Variants in NXPH1 observed in about 807,000 individuals in gnomAD.
NXPH1 encodes the protein neurexophilin 1.
Under a neutral mutation model 23.7 loss-of-function variants are expected in NXPH1, and 5 were observed. The ratio of observed to expected loss-of-function variants is 0.21; its 90% confidence interval spans 0.11 to 0.44. NXPH1 has a LOEUF of 0.44. NXPH1 is among the 20% of genes least tolerant of loss of function. NXPH1 has a pLI of 0.99. For synonymous variants in NXPH1, 144 were observed against 122.2 expected, an observed-to-expected ratio of 1.18 and a Z score of -1.18; for missense variants, 324 against 321.6, an observed-to-expected ratio of 1.01 and a Z score of -0.06.
intron 2 of NXPH1, among the ~76,000 whole-genome samples, chr7:8,521,902 G>C (rs1017110777): frequency 6.6e-6 from 1 of 152,170 alleles, no homozygotes; most frequent in Admixed American, 6.5e-5. Context: ...GGAGGACAGA[G>C]GCAGGAGGAG....
At position 8,551,187 on chromosome 7, in the gene NXPH1, T is replaced by C. The variant is rs73050663; in HGVS notation, c.54+115420T>C. Among the ~76,000 whole-genome samples the C allele has an allele frequency of 7.6e-3, 1,155 of 151,680 alleles. 5 individuals carry two copies. The highest frequency in any genetic ancestry group is 0.027 in the Middle Eastern group (8 of 294). On this transcript the variant is annotated intron_variant, in intron 2 of 2. Transcript: ENST00000405863. ...TTTGGTTAATTTAGTAGGTCAACTA[T>C]TATACCCTATTCAATTTCTATTTTT...
chr7:8,699,583 G>A (rs141958259), intron 2 of NXPH1, among the ~76,000 whole-genome samples: 4 of 152,030 alleles, frequency 2.6e-5, no homozygotes, highest in South Asian at 2.1e-4. Flanking sequence ...TAATTTGAAC[G>A]TTAAAAGAAT....
At chr7:8,523,445 A>C (rs1817808654) in intron 2 of NXPH1, among the ~76,000 whole-genome samples, 1 of 152,210 alleles carries the variant, frequency 6.6e-6, no homozygotes, top group African/African-American at 2.4e-5. Flanking sequence ...ATGACTGTAC[A>C]TTTGTCCTTT....
chr7:8,564,657 G>A (rs940162425), intron 2 of NXPH1, among the ~76,000 whole-genome samples: 2 of 151,830 alleles, frequency 1.3e-5, no homozygotes, highest in Non-Finnish European at 2.9e-5. Flanking sequence ...AGCATCACTT[G>A]AATGCTTTAC....
chr7:8,471,980 T>C (rs1380448236), intron 2 of NXPH1, among the ~76,000 whole-genome samples: 3 of 151,726 alleles, frequency 2.0e-5, no homozygotes, highest in African/African-American at 4.8e-5. Flanking sequence ...TTTGATATCC[T>C]ACACGATGGC....
chr7:8,731,424 T>G (rs1780151735), intron 2 of NXPH1, among the ~76,000 whole-genome samples: 1 of 152,216 alleles, frequency 6.6e-6, no homozygotes, highest in Non-Finnish European at 1.5e-5. Context: ...GCTCTGCTTT[T>G]TAGAGTTTCC....
At chr7:8,536,760 G>C (rs1584218633) in intron 2 of NXPH1, among the ~76,000 whole-genome samples, 1 of 151,972 alleles carries the variant, frequency 6.6e-6, no homozygotes, top group African/African-American at 2.4e-5. Context: ...TGGTGGCTTA[G>C]AGTTGTGGAA....
intron 2 of NXPH1, among the ~76,000 whole-genome samples, chr7:8,665,116 T>G (rs1441679828): frequency 2.0e-5 from 3 of 152,058 alleles, no homozygotes; most frequent in Non-Finnish European, 2.9e-5. Context: ...TTTTGGAGAT[T>G]TCCCCTATGT....
chr7:8,471,765 C>G (rs1046497143), intron 2 of NXPH1, among the ~76,000 whole-genome samples: 1 of 152,092 alleles, frequency 6.6e-6, no homozygotes, highest in Non-Finnish European at 1.5e-5. Context: ...ATTACTCTTA[C>G]ATTTCTCATT....
intron 2 of NXPH1, among the ~76,000 whole-genome samples, chr7:8,499,324 C>T (rs1817392512): frequency 6.6e-6 from 1 of 152,056 alleles, no homozygotes; most frequent in Non-Finnish European, 1.5e-5. Context: ...CAGCTGTACA[C>T]AGCCCTCCCA....
intron 2 of NXPH1, among the ~76,000 whole-genome samples, chr7:8,532,085 T>A (rs967432059): frequency 1.3e-5 from 2 of 152,074 alleles, no homozygotes; most frequent in Non-Finnish European, 2.9e-5. Flanking sequence ...GCCATAAAAG[T>A]CAAATCAGCT....
chr7:8,750,843 G>A (rs975661159), intron 2 of NXPH1, among the ~76,000 whole-genome samples, 165 bp from the exon 3 acceptor site: 1 of 152,100 alleles, frequency 6.6e-6, no homozygotes, highest in East Asian at 1.9e-4. Context: ...GAGACTCTGG[G>A]AGAGGGGGCT....
intron 2 of NXPH1, among the ~76,000 whole-genome samples, chr7:8,436,071 G>A (rs1816188336): frequency 6.6e-6 from 1 of 152,200 alleles, no homozygotes; most frequent in Admixed American, 6.5e-5. Flanking sequence ...GAGGGCCAAC[G>A]AGAAGAAGTG....
intron 2 of NXPH1, among the ~76,000 whole-genome samples, chr7:8,642,020 G>A (rs1274470561): frequency 6.6e-6 from 1 of 152,138 alleles, no homozygotes; most frequent in African/African-American, 2.4e-5. Context: ...TGCTCTCGAT[G>A]TTACTATGGA....
chr7:8,586,945 A>G (rs996802283), intron 2 of NXPH1, among the ~76,000 whole-genome samples: 4 of 152,180 alleles, frequency 2.6e-5, no homozygotes, highest in Admixed American at 2.0e-4. Context: ...TAAATATTCC[A>G]GGCAATTCTC....
intron 2 of NXPH1, among the ~76,000 whole-genome samples, chr7:8,474,683 A>G (rs920770906): frequency 1.2e-4 from 18 of 152,108 alleles, no homozygotes; most frequent in African/African-American, 4.1e-4. Flanking sequence ...TCGCATACTA[A>G]CTCTCAAGGT....
At chr7:8,712,576 G>C (rs1583242151) in intron 2 of NXPH1, among the ~76,000 whole-genome samples, 1 of 152,086 alleles carries the variant, frequency 6.6e-6, no homozygotes, top group South Asian at 2.1e-4. Context: ...AAAAAGCACA[G>C]ACTAAGCATT....
chr7:8,572,737 C>T (rs1818673041), intron 2 of NXPH1, among the ~76,000 whole-genome samples: 1 of 151,688 alleles, frequency 6.6e-6, no homozygotes, highest in Non-Finnish European at 1.5e-5. Context: ...AATTTTAAGA[C>T]TTGGGTATAT....
chr7:8,719,902 A>T (rs1445274012), intron 2 of NXPH1, among the ~76,000 whole-genome samples: 2 of 152,234 alleles, frequency 1.3e-5, no homozygotes, highest in Non-Finnish European at 2.9e-5. Flanking sequence ...TCTAATTCTC[A>T]AAATAACACT....
Sources: allele counts gnomAD v4.1 joint callset (sites outside exome capture counted in the v4.1 genomes callset), GRCh38; gene constraint gnomAD v4.1.1; transcripts MANE v1.5; gene names NCBI Gene and HGNC (gene_info 2026-07-23, HGNC 2026-07-21).